The following CACNA2D1 variants were observed in gnomAD, a reference collection of about 807,000 sequenced individuals.
CACNA2D1 encodes voltage-dependent calcium channel subunit alpha-2/delta-1.
A neutral mutation model predicts 171.5 loss-of-function variants in CACNA2D1; 53 were observed. The observed-to-expected ratio is 0.31, with a 90% CI of 0.25 to 0.39. The LOEUF is 0.39. CACNA2D1 is among the 10% of genes least tolerant of loss of function. The probability of loss-of-function intolerance (pLI) is 1.00; values close to 1 mark genes in which losing one functional copy is unlikely to be tolerated. For synonymous variants in CACNA2D1, 442 were observed against 443.1 expected (o/e 1.00, Z 0.03); for missense variants, 903 against 1,299.8 (o/e 0.69, Z 4.69).
chr7:82,434,257 C>T (rs1829938439), intron 1 of CACNA2D1, among the ~76,000 whole-genome samples: 1 of 152,194 alleles, frequency 6.6e-6, no homozygotes, highest in African/African-American at 2.4e-5. Flanking sequence ...AAATATTTCT[C>T]TTTTTGGTTT....
At chr7:82,171,005 A>G (rs1279904965) in intron 3 of CACNA2D1, among the ~76,000 whole-genome samples, 2 of 152,056 alleles carry the variant, frequency 1.3e-5, no homozygotes, top group African/African-American at 4.8e-5. Context: ...TGACATTGAG[A>G]GATTAATATG....
At chr7:82,315,390 AG>A (rs929328066) in intron 3 of CACNA2D1, among the ~76,000 whole-genome samples, 2 of 152,142 alleles carry the variant, frequency 1.3e-5, no homozygotes, top group Non-Finnish European at 2.9e-5. Context: ...AAATACAATA[AG>A]AAAAAAAAGC....
At position 82,443,467 on chromosome 7, in the gene CACNA2D1, A is replaced by G; in HGVS notation, c.-8T>C. 1 of 1,606,880 alleles carries G rather than the reference A, an allele frequency of 6.2e-7. No individual in the cohort carries two copies. Among genetic ancestry groups the G allele is most frequent in the Admixed American group, 1.7e-5 (1 of 59,466 alleles). ...CAGGCAGCCAGCAGCCATCTTCGCG[A>G]TCGAAGATCAATGCCCCCTCCCTGC... On this transcript the variant is annotated 5_prime_UTR_variant, in exon 1 of 39. Coordinates refer to ENST00000356860, the MANE Select transcript of CACNA2D1 (RefSeq NM_000722.4).
chr7:82,121,987 A>C (rs958352108), intron 5 of CACNA2D1, among the ~76,000 whole-genome samples: 1 of 152,118 alleles, frequency 6.6e-6, no homozygotes, highest in Admixed American at 6.5e-5. Context: ...CAGTGGCGAA[A>C]GAAAGGTGAA....
chr7:82,219,159 A>G (rs1003927904), intron 3 of CACNA2D1, among the ~76,000 whole-genome samples: 3 of 152,182 alleles, frequency 2.0e-5, no homozygotes, highest in Non-Finnish European at 2.9e-5. Context: ...AAATGCATTA[A>G]AAGTCTTTGG....
At chr7:82,136,909 AT>A (rs1175375489) in intron 4 of CACNA2D1, among the ~76,000 whole-genome samples, 1 of 152,164 alleles carries the variant, frequency 6.6e-6, no homozygotes, top group African/African-American at 2.4e-5. Flanking sequence ...TCTGAGACCC[AT>A]TTGTCAAGAA....
At chr7:82,169,260 G>A (rs1795775632) in intron 4 of CACNA2D1, among the ~76,000 whole-genome samples, 1 of 151,848 alleles carries the variant, frequency 6.6e-6, no homozygotes, top group Non-Finnish European at 1.5e-5. Context: ...CTTAATCATT[G>A]ATTTTTTCCT....
intron 20 of CACNA2D1, among the ~76,000 whole-genome samples, chr7:81,993,374 A>G (rs1797744366): frequency 6.6e-6 from 1 of 152,174 alleles, no homozygotes; most frequent in African/African-American, 2.4e-5. Flanking sequence ...AACATGGTAC[A>G]AGAAAGGTTC....
chr7:82,019,087 T>G (rs1800862164), intron 12 of CACNA2D1, among the ~76,000 whole-genome samples: 1 of 151,824 alleles, frequency 6.6e-6, no homozygotes, highest in Non-Finnish European at 1.5e-5. Context: ...TTTGGGAGGC[T>G]GAGGCAGGTG....
At chr7:82,411,999 C>T (rs1422576591) in intron 1 of CACNA2D1, among the ~76,000 whole-genome samples, 2 of 151,980 alleles carry the variant, frequency 1.3e-5, no homozygotes, top group Non-Finnish European at 2.9e-5. Context: ...TTACCTAAAT[C>T]TCAAATGGTG....
intron 3 of CACNA2D1, among the ~76,000 whole-genome samples, chr7:82,261,057 T>A (rs550288551): frequency 6.6e-6 from 1 of 151,778 alleles, no homozygotes; most frequent in Non-Finnish European, 1.5e-5. Flanking sequence ...TGGGTTCAAG[T>A]GATTCTCATG....
intron 1 of CACNA2D1, among the ~76,000 whole-genome samples, chr7:82,389,435 GCT>G (rs1414028371): frequency 8.6e-5 from 13 of 152,024 alleles, no homozygotes; most frequent in African/African-American, 3.1e-4. Flanking sequence ...TATTACGCAT[GCT>G]CTGATTTTCA....
intron 4 of CACNA2D1, among the ~76,000 whole-genome samples, chr7:82,160,651 C>T (rs1292636254): frequency 1.3e-5 from 2 of 151,848 alleles, no homozygotes; most frequent in East Asian, 3.9e-4. Context: ...TAATTGTAGA[C>T]CTTGTAGAGA....
chr7:82,044,531 T>C (rs1804326493), intron 10 of CACNA2D1, among the ~76,000 whole-genome samples: 1 of 152,178 alleles, frequency 6.6e-6, no homozygotes, highest in Admixed American at 6.5e-5. Flanking sequence ...ATAATATTAG[T>C]ACACTTATTT....
At chr7:82,097,017 G>T (rs979772676) in intron 6 of CACNA2D1, among the ~76,000 whole-genome samples, 37 of 152,054 alleles carry the variant, frequency 2.4e-4, no homozygotes, top group African/African-American at 8.9e-4. Flanking sequence ...GGTTTTGAGG[G>T]GCAGGGTAGA....
chr7:82,116,903 A>G (rs1789112982), intron 6 of CACNA2D1, 141 bp downstream of exon 6: 4 of 917,122 alleles, frequency 4.4e-6, no homozygotes, highest in East Asian at 2.5e-5. Context: ...ATTCTTTCAC[A>G]TAAATCAGAG....
intron 1 of CACNA2D1, among the ~76,000 whole-genome samples, chr7:82,422,185 TA>T: frequency 6.6e-6 from 1 of 152,160 alleles, no homozygotes; most frequent in Non-Finnish European, 1.5e-5. Flanking sequence ...TAAAATGTAA[TA>T]ATAATTAATA....
intron 6 of CACNA2D1, among the ~76,000 whole-genome samples, chr7:82,092,540 C>CTTTTTTTTTTTTTTTTTTTTTTTTTTTTT (rs71093360): frequency 9.7e-6 from 1 of 102,702 alleles, no homozygotes; most frequent in African/African-American, 4.5e-5. Context: ...GCCCAGCTAA[C>CTTTTTTTTTTTTTTTTTTTTTTTTTTTTT]TTTTTTTTTT....
chr7:82,427,826 A>T (rs538880833), intron 1 of CACNA2D1, among the ~76,000 whole-genome samples: 1 of 152,302 alleles, frequency 6.6e-6, no homozygotes, highest in East Asian at 1.9e-4. Flanking sequence ...AACCATTTTG[A>T]GGAGAATTAA....
Sources: allele counts gnomAD v4.1 joint callset (sites outside exome capture counted in the v4.1 genomes callset), GRCh38; gene constraint gnomAD v4.1.1; transcripts MANE v1.5; gene names NCBI Gene and HGNC (gene_info 2026-07-23, HGNC 2026-07-21).